UBE3C: variants seen among roughly 807,000 people sequenced by gnomAD.
UBE3C encodes ubiquitin-protein ligase E3C.
Under a neutral mutation model 129.4 loss-of-function variants are expected in UBE3C, and 42 were observed. That is an observed-to-expected ratio of 0.32 (90% CI 0.25 to 0.42). UBE3C has a LOEUF of 0.42. UBE3C is among the 10% of genes least tolerant of loss of function. The pLI is 1.00. For missense variants in UBE3C, 1,049 were observed against 1,319.1 expected (o/e 0.80, Z 3.17); for synonymous variants, 510 against 492.4 (o/e 1.04, Z -0.47).
At chr7:157,266,243 G>T (rs1333403806) in intron 22 of UBE3C, among the ~76,000 whole-genome samples, 2 of 152,150 alleles carry the variant, frequency 1.3e-5, no homozygotes, top group African/African-American at 4.8e-5. Context: ...GAACCCGGGA[G>T]GCGGATGTTG....
At chr7:157,199,524 G>A (rs998444142) in intron 10 of UBE3C, among the ~76,000 whole-genome samples, 7 of 152,056 alleles carry the variant, frequency 4.6e-5, no homozygotes, top group Non-Finnish European at 1.0e-4. Context: ...AGGCTGGAGT[G>A]TAATGGTGTG....
chr7:157,159,968 T>C (rs1808024089), intron 1 of UBE3C, among the ~76,000 whole-genome samples: 1 of 152,248 alleles, frequency 6.6e-6, no homozygotes, highest in South Asian at 2.1e-4. Flanking sequence ...TCGTATTCTT[T>C]TGTTGTGATT....
At chr7:157,188,034 T>C (rs955306522) in intron 10 of UBE3C, among the ~76,000 whole-genome samples, 1 of 152,236 alleles carries the variant, frequency 6.6e-6, no homozygotes, top group African/African-American at 2.4e-5. Flanking sequence ...ACAATAATCT[T>C]GAACTGTTTT....
intron 10 of UBE3C, chr7:157,192,617 C>A (rs562627215): frequency 2.6e-6 from 2 of 765,182 alleles, no homozygotes; most frequent in East Asian, 4.9e-5. Flanking sequence ...AGGAGTCTTA[C>A]CCCACTCCCA....
At chr7:157,157,987 T>TAGAG (rs58093796) in intron 1 of UBE3C, among the ~76,000 whole-genome samples, 5 of 132,874 alleles carry the variant, frequency 3.8e-5, no homozygotes, top group South Asian at 2.4e-4. Flanking sequence ...TATATATATA[T>TAGAG]AGAGAGAGAG....
intron 9 of UBE3C, 56 bp from the exon 10 acceptor site, chr7:157,186,778 A>G: frequency 3.1e-6 from 5 of 1,590,852 alleles, no homozygotes; most frequent in South Asian, 2.2e-5. Flanking sequence ...TTTGTAGTGT[A>G]GAGGACGTTC....
intron 1 of UBE3C, among the ~76,000 whole-genome samples, chr7:157,149,009 A>C (rs1034146685): frequency 6.6e-6 from 1 of 152,110 alleles, no homozygotes; most frequent in East Asian, 1.9e-4. Flanking sequence ...TATCCTTTAC[A>C]TGTAGGAGCA....
At chr7:157,190,202 A>G (rs1330159538) in intron 10 of UBE3C, among the ~76,000 whole-genome samples, 1 of 152,126 alleles carries the variant, frequency 6.6e-6, no homozygotes, top group Non-Finnish European at 1.5e-5. Flanking sequence ...AGTTTAAGTA[A>G]CTTTCTGGAG....
At chr7:157,220,827 A>G (rs142791799) in intron 15 of UBE3C, 51 bp downstream of exon 15, 135 of 1,583,610 alleles carry the variant, frequency 8.5e-5, no homozygotes, top group Non-Finnish European at 1.0e-4. Flanking sequence ...CATGCTGTCA[A>G]ATTCACTCCT....
At chr7:157,168,219 C>T (rs1404068440) in intron 2 of UBE3C, among the ~76,000 whole-genome samples, 5 of 150,662 alleles carry the variant, frequency 3.3e-5, no homozygotes, top group South Asian at 2.1e-4. Flanking sequence ...GGTGTGGTGG[C>T]GGGTACCTGT....
intron 4 of UBE3C, among the ~76,000 whole-genome samples, chr7:157,173,413 G>A (rs185027766): frequency 6.6e-5 from 10 of 152,280 alleles, no homozygotes; most frequent in African/African-American, 2.2e-4. Flanking sequence ...TAATCTTAAC[G>A]TAGGGGAAAA....
At chr7:157,171,660 T>TTTTATATATATA (rs1254040472) in intron 4 of UBE3C, among the ~76,000 whole-genome samples, 3 of 67,890 alleles carry the variant, frequency 4.4e-5, no homozygotes, top group Non-Finnish European at 8.4e-5. Flanking sequence ...TTTAAATATT[T>TTTTATATATATA]TATATATATA....
intron 22 of UBE3C, among the ~76,000 whole-genome samples, chr7:157,262,434 T>TTC (rs1389522375): frequency 7.2e-6 from 1 of 139,024 alleles, no homozygotes; most frequent in Non-Finnish European, 1.5e-5. Context: ...TTTTTTTTTT[T>TTC]TTGAGATAGA....
chr7:157,209,675 ACTGTTT>A (rs1563057259), intron 13 of UBE3C, among the ~76,000 whole-genome samples: 7 of 152,142 alleles, frequency 4.6e-5, no homozygotes, highest in Non-Finnish European at 2.9e-5. Flanking sequence ...AGATAATTTC[ACTGTTT>A]TATGGCATCT....
At chr7:157,263,795 A>G (rs1350350962) in intron 22 of UBE3C, among the ~76,000 whole-genome samples, 1 of 137,408 alleles carries the variant, frequency 7.3e-6, no homozygotes, top group East Asian at 2.1e-4. Flanking sequence ...TAATGTTTTC[A>G]TTATAGAAAA....
chr7:157,168,246 G>A (rs925664240), intron 2 of UBE3C, among the ~76,000 whole-genome samples: 3 of 151,508 alleles, frequency 2.0e-5, no homozygotes, highest in Non-Finnish European at 2.9e-5. Context: ...AGCTACTCGG[G>A]AGGCTGAGGC....
At chr7:157,203,767 C>T (rs916494861) in intron 11 of UBE3C, among the ~76,000 whole-genome samples, 4 of 152,150 alleles carry the variant, frequency 2.6e-5, no homozygotes, top group African/African-American at 9.7e-5. Flanking sequence ...TGAAGTCCCT[C>T]AAGAAACTGA....
chr7:157,223,418 A>G, intron 16 of UBE3C, 67 bp downstream of exon 16: 1 of 1,384,336 alleles, frequency 7.2e-7, no homozygotes. Context: ...ACACACACCC[A>G]CCAGAGAAAT....
chr7:157,238,442 A>G (rs1796209497), intron 18 of UBE3C, among the ~76,000 whole-genome samples: 1 of 152,100 alleles, frequency 6.6e-6, no homozygotes, highest in African/African-American at 2.4e-5. Flanking sequence ...AGTGCTGGTA[A>G]GAAGTCATCA....
Sources: allele counts gnomAD v4.1 joint callset (sites outside exome capture counted in the v4.1 genomes callset), GRCh38; gene constraint gnomAD v4.1.1; transcripts MANE v1.5; gene names NCBI Gene and HGNC (gene_info 2026-07-23, HGNC 2026-07-21).